Variants in SEMA3A observed in about 807,000 individuals in gnomAD.
SEMA3A encodes semaphorin-3A.
In SEMA3A, 29 loss-of-function variants were observed where a neutral mutation model predicts 97.9. The observed-to-expected ratio is 0.30, with a 90% CI of 0.22 to 0.40. The LOEUF is 0.40. Among genes scored for constraint, SEMA3A ranks in the 10% least tolerant of loss-of-function variants. The pLI, the probability that SEMA3A is intolerant of heterozygous loss-of-function variation, is 1.00. For synonymous variants in SEMA3A, 321 were observed against 323.7 expected (o/e 0.99, Z 0.09); for missense variants, 763 against 951.3 (o/e 0.80, Z 2.60).
At chr7:84,318,714 A>T (rs1311998656) in intron 2 of SEMA3A, among the ~76,000 whole-genome samples, 1 of 152,158 alleles carries the variant, frequency 6.6e-6, no homozygotes, top group African/African-American at 2.4e-5. Context: ...ATATTGCTCA[A>T]TAATATTTTT....
rs754026184 is a variant in SEMA3A at position 84,099,065 on chromosome 7, C to CTTTTT, written c.453+11400_453+11404dup. ...AGAGATTAATCAGGAATTACATTTT[C>CTTTTT]TTTTTTTTTCTTTTTTTTTTTTTGA... On this transcript the variant is annotated intron_variant, in intron 4 of 16. Transcript: ENST00000265362. Among the ~76,000 whole-genome samples the CTTTTT allele has an allele frequency of 4.5e-4, 42 of 92,548 alleles. 2 individuals are homozygous for CTTTTT. Among genetic ancestry groups the CTTTTT allele is most frequent in the African/African-American group, 8.1e-4 (22 of 27,064 alleles). The allele number at this position is 92,548 out of a possible 152,430, so 60.7% of individuals were successfully genotyped here.
chr7:84,357,729 T>G (rs1482145945), intron 2 of SEMA3A, among the ~76,000 whole-genome samples: 1 of 151,758 alleles, frequency 6.6e-6, no homozygotes, highest in East Asian at 1.9e-4. Context: ...CCACAATGGT[T>G]GAACTACTTT....
At chr7:84,371,155 C>G (rs1802965240) in intron 2 of SEMA3A, among the ~76,000 whole-genome samples, 1 of 151,636 alleles carries the variant, frequency 6.6e-6, no homozygotes, top group African/African-American at 2.4e-5. Flanking sequence ...TAGGTTTGTG[C>G]AAATAGATTT....
intron 1 of SEMA3A, among the ~76,000 whole-genome samples, chr7:84,155,348 G>A (rs1446445179): frequency 6.6e-6 from 1 of 152,108 alleles, no homozygotes; most frequent in Non-Finnish European, 1.5e-5. Context: ...CTCTGGGAGA[G>A]TTGTCGTCTA....
chr7:84,403,729 G>T (rs182734731), intron 1 of SEMA3A, among the ~76,000 whole-genome samples: 2,308 of 152,162 alleles, frequency 0.015, 72 homozygotes, highest in African/African-American at 0.054. Flanking sequence ...CAACATTTGC[G>T]GTTCACCAAT....
chr7:84,023,493 TAA>T (rs1450640597), intron 6 of SEMA3A, among the ~76,000 whole-genome samples: 1 of 152,160 alleles, frequency 6.6e-6, no homozygotes, highest in Non-Finnish European at 1.5e-5. Flanking sequence ...ATTTCATTTG[TAA>T]AAAGGGTGGA....
At chr7:84,161,661 G>A (rs1797038458) in intron 1 of SEMA3A, among the ~76,000 whole-genome samples, 1 of 152,158 alleles carries the variant, frequency 6.6e-6, no homozygotes, top group African/African-American at 2.4e-5. Flanking sequence ...TTTATGGAGA[G>A]AACTGCTAGA....
At chr7:84,137,600 A>G (rs73177448) in intron 1 of SEMA3A, among the ~76,000 whole-genome samples, 10,493 of 151,176 alleles carry the variant, frequency 0.069, 442 homozygotes, top group East Asian at 0.2. Flanking sequence ...GGTCATTCAA[A>G]GAGATCTGTT....
intron 5 of SEMA3A, among the ~76,000 whole-genome samples, chr7:84,047,808 A>G (rs1253698438): frequency 6.6e-6 from 1 of 152,072 alleles, no homozygotes; most frequent in East Asian, 1.9e-4. Flanking sequence ...TAACATTACC[A>G]TATGTTCACG....
chr7:84,480,038 C>A (rs2116430800), intron 1 of SEMA3A, among the ~76,000 whole-genome samples: 1 of 152,264 alleles, frequency 6.6e-6, no homozygotes, highest in Middle Eastern at 3.4e-3. Flanking sequence ...AGGCATACTG[C>A]ATCACTAACC....
intron 1 of SEMA3A, among the ~76,000 whole-genome samples, chr7:84,376,060 A>C (rs2116118816): frequency 6.6e-6 from 1 of 152,298 alleles, no homozygotes; most frequent in East Asian, 1.9e-4. Flanking sequence ...TCCACTGGAT[A>C]TATATTAATA....
intron 2 of SEMA3A, among the ~76,000 whole-genome samples, chr7:84,329,418 CT>C (rs1201409053): frequency 6.6e-6 from 1 of 152,104 alleles, no homozygotes; most frequent in African/African-American, 2.4e-5. Context: ...TGTTTTTCAG[CT>C]CATCAGCTAT....
chr7:84,306,627 G>C (rs1801162340), intron 3 of SEMA3A: 1 of 152,064 alleles, frequency 6.6e-6, no homozygotes, highest in African/African-American at 2.4e-5. Context: ...TGGTTGAAAA[G>C]CATTAAAATA....
intron 1 of SEMA3A, among the ~76,000 whole-genome samples, chr7:84,183,638 A>G (rs1395072440): frequency 6.6e-6 from 1 of 152,124 alleles, no homozygotes; most frequent in African/African-American, 2.4e-5. Flanking sequence ...ATCATTCAAT[A>G]ATAAGTAATA....
chr7:84,443,629 A>G (rs1805330181), intron 1 of SEMA3A, among the ~76,000 whole-genome samples: 1 of 152,150 alleles, frequency 6.6e-6, no homozygotes, highest in African/African-American at 2.4e-5. Context: ...TAGCAGGAAC[A>G]TTGTCATAGT....
At chr7:84,183,905 A>C (rs1584095901) in intron 1 of SEMA3A, among the ~76,000 whole-genome samples, 1 of 152,146 alleles carries the variant, frequency 6.6e-6, no homozygotes, top group Non-Finnish European at 1.5e-5. Context: ...AGTATTATAG[A>C]CTGAGATTTG....
At chr7:84,037,324 T>TTTG (rs970515144) in intron 6 of SEMA3A, among the ~76,000 whole-genome samples, 22 of 151,972 alleles carry the variant, frequency 1.4e-4, no homozygotes, top group African/African-American at 4.3e-4. Flanking sequence ...CTTTTGTTTA[T>TTTG]TTGTTGTTGT....
intron 1 of SEMA3A, among the ~76,000 whole-genome samples, chr7:84,183,668 A>G (rs921207927): frequency 2.0e-5 from 3 of 152,132 alleles, no homozygotes; most frequent in Non-Finnish European, 2.9e-5. Flanking sequence ...ATTATCAAAT[A>G]TATTTTTAAA....
intron 4 of SEMA3A, among the ~76,000 whole-genome samples, chr7:84,106,695 T>C (rs1013852787): frequency 5.3e-5 from 8 of 152,184 alleles, no homozygotes; most frequent in South Asian, 2.1e-4. Context: ...AGCCCTGTTT[T>C]CCTTCAAAGT....
Sources: allele counts gnomAD v4.1 joint callset (sites outside exome capture counted in the v4.1 genomes callset), GRCh38; gene constraint gnomAD v4.1.1; transcripts MANE v1.5; gene names NCBI Gene and HGNC (gene_info 2026-07-23, HGNC 2026-07-21).